Variants in ROBO2 observed in about 807,000 individuals in gnomAD.
The protein encoded by ROBO2 is roundabout guidance receptor 2.
A neutral mutation model predicts 160.8 loss-of-function variants in ROBO2; 53 were observed. That is an observed-to-expected ratio of 0.33 (90% CI 0.26 to 0.41). ROBO2 has a LOEUF of 0.41. Among genes scored for constraint, ROBO2 ranks in the 10% least tolerant of loss-of-function variants. The pLI is 1.00. For missense variants in ROBO2, 1,577 were observed against 1,722.4 expected (o/e 0.92, Z 1.49); for synonymous variants, 664 against 611.7 (o/e 1.09, Z -1.26).
At chr3:76,747,052 T>C (rs948233386) in intron 2 of ROBO2, among the ~76,000 whole-genome samples, 14 of 152,152 alleles carry the variant, frequency 9.2e-5, no homozygotes, top group Non-Finnish European at 2.9e-5. Context: ...CAGTCTATCA[T>C]TGATGGGCAT....
intron 18 of ROBO2, 59 bp from the exon 20 acceptor site, chr3:77,596,564 G>T: frequency 1.2e-6 from 2 of 1,602,566 alleles, no homozygotes; most frequent in South Asian, 1.1e-5. Context: ...TGCATGAGAC[G>T]AGTGTCAAAA....
At chr3:76,123,928 C>T (rs530120621) in intron 2 of ROBO2, among the ~76,000 whole-genome samples, 1 of 151,954 alleles carries the variant, frequency 6.6e-6, no homozygotes, top group Non-Finnish European at 1.5e-5. Flanking sequence ...GAATGACTTC[C>T]TAGAAATCCT....
intron 2 of ROBO2, among the ~76,000 whole-genome samples, chr3:77,168,350 C>T (rs946842751): frequency 1.3e-5 from 2 of 152,208 alleles, no homozygotes; most frequent in Admixed American, 6.5e-5. Context: ...ATGAATGTCA[C>T]TGTGAAATCT....
intron 2 of ROBO2, among the ~76,000 whole-genome samples, chr3:76,419,376 T>C (rs748113621): frequency 6.6e-5 from 10 of 152,248 alleles, no homozygotes; most frequent in Admixed American, 3.3e-4. Flanking sequence ...ATTGTACACA[T>C]GTAAATTAGA....
At chr3:77,606,191 G>A (rs1314453221) in intron 20 of ROBO2, among the ~76,000 whole-genome samples, 1 of 149,194 alleles carries the variant, frequency 6.7e-6, no homozygotes, top group Non-Finnish European at 1.5e-5. Context: ...AGAGGAGCTG[G>A]GTTTGCTCTA....
chr3:77,136,061 A>G (rs568367115), intron 2 of ROBO2, among the ~76,000 whole-genome samples: 31 of 152,278 alleles, frequency 2.0e-4, no homozygotes, highest in African/African-American at 7.5e-4. Context: ...TAATAAAGAT[A>G]TATTTTTTAC....
intron 2 of ROBO2, among the ~76,000 whole-genome samples, chr3:76,268,199 AT>A (rs1389382223): frequency 6.7e-6 from 1 of 149,550 alleles, no homozygotes; most frequent in Non-Finnish European, 1.5e-5. Flanking sequence ...GATTCCAGGA[AT>A]TCAAGGCTGC....
chr3:76,239,668 G>A (rs1265815286), intron 2 of ROBO2, among the ~76,000 whole-genome samples: 1 of 152,104 alleles, frequency 6.6e-6, no homozygotes, highest in Non-Finnish European at 1.5e-5. Flanking sequence ...AGCCATGATG[G>A]TCTCTACTTG....
intron 2 of ROBO2, among the ~76,000 whole-genome samples, chr3:76,550,156 C>T (rs2083330314): frequency 6.6e-6 from 1 of 152,128 alleles, no homozygotes; most frequent in Non-Finnish European, 1.5e-5. Flanking sequence ...AGATGCTTAT[C>T]ATCTGTCTCC....
At chr3:76,626,665 T>C (rs531347636) in intron 2 of ROBO2, among the ~76,000 whole-genome samples, 1 of 152,214 alleles carries the variant, frequency 6.6e-6, no homozygotes, top group Non-Finnish European at 1.5e-5. Context: ...ATTCTCTTTC[T>C]TAACTTATTG....
At chr3:77,461,753 G>A (rs1295733779) in intron 2 of ROBO2, among the ~76,000 whole-genome samples, 1 of 147,368 alleles carries the variant, frequency 6.8e-6, no homozygotes, top group Admixed American at 6.8e-5. Flanking sequence ...TTTTGAGACA[G>A]AGTCTCTCTC....
chr3:77,487,113 G>T (rs1283258694), intron 4 of ROBO2, among the ~76,000 whole-genome samples: 1 of 152,078 alleles, frequency 6.6e-6, no homozygotes, highest in African/African-American at 2.4e-5. Context: ...AGTAGTTGAG[G>T]TATTCAGAGA....
upstream of ROBO2, among the ~76,000 whole-genome samples, chr3:77,037,821 G>A (rs1578424644): frequency 6.6e-6 from 1 of 152,294 alleles, no homozygotes; most frequent in East Asian, 1.9e-4. Flanking sequence ...CTTCCTTTCT[G>A]TGAACCATCT....
At chr3:77,045,861 T>G (rs986443927) in intron 1 of ROBO2, among the ~76,000 whole-genome samples, 17 of 152,252 alleles carry the variant, frequency 1.1e-4, no homozygotes, top group Admixed American at 9.2e-4. Flanking sequence ...AATGCAATCA[T>G]ACAATATATG....
At chr3:76,087,666 T>C (rs1270934843) in intron 2 of ROBO2, among the ~76,000 whole-genome samples, 1 of 152,070 alleles carries the variant, frequency 6.6e-6, no homozygotes, top group East Asian at 1.9e-4. Context: ...TTATTCAAAA[T>C]AATAGCAATA....
chr3:77,592,627 C>T (rs1310331983), intron 17 of ROBO2, among the ~76,000 whole-genome samples: 1 of 152,154 alleles, frequency 6.6e-6, no homozygotes, highest in Non-Finnish European at 1.5e-5. Context: ...TCTTGGCTCA[C>T]TGCAACCTCC....
chr3:75,937,368 G>A, intron 1 of ROBO2: 1 of 440,120 alleles, frequency 2.3e-6, no homozygotes. Context: ...CTCCTTGTAA[G>A]CAGGATAATT....
Position 76,806,896 on chromosome 3 carries a change from G to T in ROBO2, c.110-291118G>T, listed in dbSNP as rs146733503. On this transcript the variant is annotated intron_variant, in intron 2 of 26. Coordinates refer to the ROBO2 transcript ENST00000487694. ...GTCTTAGTATCATATTTTGTACTCA[G>T]ATTATGAGCTGCACAATCTCACTTG... is the stretch of plus-strand genomic sequence containing the variant. Among the ~76,000 whole-genome samples, 17 of 152,120 alleles carry T rather than the reference G, an allele frequency of 1.1e-4. No homozygotes were observed. In the East Asian group the frequency reaches 2.9e-3, roughly 26 times the overall value.
intron 2 of ROBO2, among the ~76,000 whole-genome samples, chr3:76,570,803 T>TTATAGCCC (rs892778728): frequency 2.0e-5 from 3 of 152,182 alleles, no homozygotes; most frequent in African/African-American, 7.2e-5. Flanking sequence ...CCATCTAGTT[T>TTATAGCCC]TATAGCCCTG....
Sources: allele counts gnomAD v4.1 joint callset (sites outside exome capture counted in the v4.1 genomes callset), GRCh38; gene constraint gnomAD v4.1.1; transcripts MANE v1.5; gene names NCBI Gene and HGNC (gene_info 2026-07-23, HGNC 2026-07-21).